The following CACNA1E variants were observed in gnomAD, a reference collection of about 807,000 sequenced individuals.
CACNA1E encodes calcium voltage-gated channel subunit alpha1 E.
CACNA1E carries 40 observed loss-of-function variants against 259.2 expected under a neutral mutation model. The observed-to-expected ratio is 0.15, with a 90% CI of 0.12 to 0.20. CACNA1E has a LOEUF of 0.20. Among genes scored for constraint, CACNA1E ranks in the 10% least tolerant of loss-of-function variants. The probability of loss-of-function intolerance (pLI) is 1.00; values close to 1 mark genes in which losing one functional copy is unlikely to be tolerated. For synonymous variants in CACNA1E, 1,104 were observed against 1,138.5 expected (o/e 0.97, Z 0.61); for missense variants, 1,874 against 3,040.1 (o/e 0.62, Z 9.02).
At chr1:181,702,367 C>T (rs1558283413) in intron 7 of CACNA1E, among the ~76,000 whole-genome samples, 1 of 152,140 alleles carries the variant, frequency 6.6e-6, no homozygotes, top group Non-Finnish European at 1.5e-5. Context: ...CCAAGGCCAC[C>T]ATCATCTGGA....
At chr1:181,704,994 T>A (rs1453987595) in intron 7 of CACNA1E, among the ~76,000 whole-genome samples, 1 of 152,156 alleles carries the variant, frequency 6.6e-6, no homozygotes, top group Non-Finnish European at 1.5e-5. Flanking sequence ...TAGGCTTTCA[T>A]CAACCTCACT....
intron 30 of CACNA1E, 58 bp from the exon 31 acceptor site, chr1:181,757,889 C>T (rs1203118540): frequency 7.6e-6 from 12 of 1,569,378 alleles, no homozygotes; most frequent in Non-Finnish European, 8.7e-6. Context: ...GGAACAGAGC[C>T]TGCCATGGTA....
chr1:181,700,703 C>T (rs1472022038), intron 7 of CACNA1E, among the ~76,000 whole-genome samples: 3 of 152,164 alleles, frequency 2.0e-5, no homozygotes, highest in African/African-American at 4.8e-5. Flanking sequence ...TTCTAAGATA[C>T]CCTGAAGATG....
upstream of CACNA1E, among the ~76,000 whole-genome samples, chr1:181,482,718 G>A (rs2102461635): frequency 6.6e-6 from 1 of 152,396 alleles, no homozygotes; most frequent in South Asian, 2.1e-4. Flanking sequence ...GGAAGAGGGA[G>A]ACTGAGCCGT....
In CACNA1E at chr1:181,747,676, G is replaced by A. The variant is rs560076534; in HGVS notation, c.3720-2800G>A. Among the ~76,000 whole-genome samples, 4 of 152,256 alleles carry A rather than the reference G, an allele frequency of 2.6e-5. No individual in the cohort carries two copies. In the South Asian group the frequency reaches 6.2e-4, roughly 24 times the overall value. On this transcript the variant is annotated intron_variant, in intron 25 of 47. Transcript: ENST00000367573. ...TATCTGATTATAATTTAGTATCAGAGACTAGCAAAGTGTTATCAAACAGTT... is the reference window on the plus strand; with the variant it reads ...TATCTGATTATAATTTAGTATCAGAAACTAGCAAAGTGTTATCAAACAGTT...
At chr1:181,406,340 G>A (rs1657458817) in intron 1 of CACNA1E, among the ~76,000 whole-genome samples, 1 of 152,144 alleles carries the variant, frequency 6.6e-6, no homozygotes, top group Non-Finnish European at 1.5e-5. Context: ...TTATGGCCAG[G>A]TGCTGTTCTA....
intron 1 of CACNA1E, among the ~76,000 whole-genome samples, chr1:181,403,421 C>T (rs984396327): frequency 6.6e-6 from 1 of 151,932 alleles, no homozygotes; most frequent in African/African-American, 2.4e-5. Context: ...CCCAATTGCA[C>T]TGTTCACTTC....
At chr1:181,674,105 C>T (rs1336951958) in intron 7 of CACNA1E, among the ~76,000 whole-genome samples, 4 of 151,866 alleles carry the variant, frequency 2.6e-5, no homozygotes, top group South Asian at 2.1e-4. Flanking sequence ...GAGGGCTGGG[C>T]GCGGTGGCTC....
At chr1:181,344,267 A>G (rs1652411659) in intron 1 of CACNA1E, among the ~76,000 whole-genome samples, 1 of 152,176 alleles carries the variant, frequency 6.6e-6, no homozygotes, top group African/African-American at 2.4e-5. Flanking sequence ...TCTTTCCACT[A>G]ACACTGCTTG....
rs141640746 is a variant in CACNA1E at position 181,500,821 on chromosome 1, A to C, written c.267-9656A>C. Among the ~76,000 whole-genome samples the C allele has an allele frequency of 1.1e-3, 165 of 152,314 alleles. 2 individuals carry two copies. Among genetic ancestry groups the C allele is most frequent in the African/African-American group, 3.4e-3 (143 of 41,564 alleles). On this transcript the variant is annotated intron_variant, in intron 1 of 47. Transcript: ENST00000367573. ...GGCACAGTTGCAGAGTTTTCAGAGG[A>C]AAACAAACATTCTCCCACAGGTGAT...
In CACNA1E at chr1:181,539,810, G is replaced by A. The variant is rs114978376; in HGVS notation, c.512+28300G>A. ...TGTTAAAATTCACCTTGTCTCCACA[G>A]AAGATAGACCCAGAGTTTAGTCTTT... On this transcript the variant is annotated intron_variant, in intron 3 of 47. Transcript: ENST00000367573. Among the ~76,000 whole-genome samples the A allele has an allele frequency of 6.4e-3, 973 of 152,296 alleles. 15 individuals carry two copies. Among genetic ancestry groups the A allele is most frequent in the African/African-American group, 0.022 (935 of 41,570 alleles).
intron 1 of CACNA1E, among the ~76,000 whole-genome samples, chr1:181,383,709 C>T (rs569600904): frequency 6.6e-6 from 1 of 152,346 alleles, no homozygotes; most frequent in African/African-American, 2.4e-5. Flanking sequence ...GGCAAATGCT[C>T]ACTAAACCCA....
chr1:181,349,052 G>A (rs1473614733), intron 1 of CACNA1E, among the ~76,000 whole-genome samples: 1 of 149,556 alleles, frequency 6.7e-6, no homozygotes, highest in African/African-American at 2.5e-5. Context: ...CAGTCAGGGG[G>A]CTCCTCAGAC....
At chr1:181,521,669 T>C (rs1485553169) in intron 3 of CACNA1E, among the ~76,000 whole-genome samples, 1 of 152,146 alleles carries the variant, frequency 6.6e-6, no homozygotes, top group African/African-American at 2.4e-5. Context: ...AAGACAGATA[T>C]TTACTTTAAT....
At chr1:181,541,062 T>A (rs533243576) in intron 3 of CACNA1E, among the ~76,000 whole-genome samples, 199 of 152,312 alleles carry the variant, frequency 1.3e-3, no homozygotes, top group Non-Finnish European at 2.5e-3. Context: ...TCTGCTCCCA[T>A]GCATTTTGGA....
chr1:181,662,811 A>G (rs1304938726), intron 7 of CACNA1E, among the ~76,000 whole-genome samples: 1 of 152,228 alleles, frequency 6.6e-6, no homozygotes, highest in Admixed American at 6.5e-5. Flanking sequence ...CTGACCATCC[A>G]TGGCACCCTA....
chr1:181,395,497 A>G (rs1194459916), intron 1 of CACNA1E, among the ~76,000 whole-genome samples: 1 of 152,240 alleles, frequency 6.6e-6, no homozygotes, highest in Non-Finnish European at 1.5e-5. Context: ...CATATATGGT[A>G]ATTCAAATCA....
At chr1:181,616,120 A>G (rs1370753840) in intron 6 of CACNA1E, among the ~76,000 whole-genome samples, 2 of 152,096 alleles carry the variant, frequency 1.3e-5, no homozygotes, top group African/African-American at 2.4e-5. Context: ...TTACGATTGC[A>G]TTATCTGTTT....
At chr1:181,664,596 T>C (rs1274350167) in intron 7 of CACNA1E, among the ~76,000 whole-genome samples, 2 of 152,194 alleles carry the variant, frequency 1.3e-5, no homozygotes, top group Non-Finnish European at 2.9e-5. Flanking sequence ...AAAAAGGCTC[T>C]GATTTTCTTG....
Sources: allele counts gnomAD v4.1 joint callset (sites outside exome capture counted in the v4.1 genomes callset), GRCh38; gene constraint gnomAD v4.1.1; transcripts MANE v1.5; gene names NCBI Gene and HGNC (gene_info 2026-07-23, HGNC 2026-07-21).